The following CCDC14 variants were observed in gnomAD, a reference collection of about 807,000 sequenced individuals.
The protein encoded by CCDC14 is coiled-coil domain-containing protein 14.
In CCDC14, 71 loss-of-function variants were observed where a neutral mutation model predicts 81.4. The observed-to-expected ratio is 0.87, with a 90% CI of 0.72 to 1.06. CCDC14 has a LOEUF of 1.06. Ranked by LOEUF, CCDC14 falls within the 50% of genes least tolerant of loss-of-function variation. The probability of loss-of-function intolerance (pLI) is 0.00; values close to 1 mark genes in which losing one functional copy is unlikely to be tolerated. For missense variants in CCDC14, 1,046 were observed against 1,047.3 expected (o/e 1.00, Z 0.02); for synonymous variants, 332 against 364.8 (o/e 0.91, Z 1.03).
downstream of CCDC14, among the ~76,000 whole-genome samples, chr3:123,912,884 T>C (rs1374925258): frequency 6.6e-6 from 1 of 152,036 alleles, no homozygotes; most frequent in Non-Finnish European, 1.5e-5. Context: ...CCTCCCCACC[T>C]CTATTTCAGT....
chr3:123,945,088 C>T (rs901732379), intron 8 of CCDC14, 98 bp from the exon 9 acceptor site: 2 of 626,228 alleles, frequency 3.2e-6, no homozygotes, highest in South Asian at 5.3e-5. Context: ...TAGATATGTA[C>T]ATTCTTGTTA....
chr3:123,947,460 TA>T (rs1465802011), intron 7 of CCDC14, 141 bp from the exon 8 acceptor site: 1 of 619,834 alleles, frequency 1.6e-6, no homozygotes, highest in Non-Finnish European at 2.7e-6. Flanking sequence ...AATAAGTAGT[TA>T]CCACTATATT....
At chr3:123,944,809 C>G (rs774386321) in intron 9 of CCDC14, 40 bp downstream of exon 9, 1 of 1,570,864 alleles carries the variant, frequency 6.4e-7, no homozygotes, top group Admixed American at 1.7e-5. Flanking sequence ...CAGGAGACAT[C>G]TTTGCATACA....
intron 1 of CCDC14, among the ~76,000 whole-genome samples, chr3:123,959,524 G>A (rs2037547498): frequency 6.6e-6 from 1 of 151,980 alleles, no homozygotes; most frequent in Non-Finnish European, 1.5e-5. Flanking sequence ...TATGTATTTT[G>A]GATATTATTT....
rs1409123533 is a variant in CCDC14, at chr3:123,933,721, G to C, written c.1378C>G (p.Gln460Glu). The change falls in exon 10 of 13, where the codon CAA (glutamine) becomes GAA (glutamate). Residue 460 changes from glutamine (Q) to glutamate (E), a missense_variant. Transcript: ENST00000409697. ...CCAGATGGTTTTTGAGTTTTCTGTT[G>C]TTCTCTGAGTTGCTGGTTCAAAATT... ...LRILNQQLRE[Q>E]QKTQKPSGAV... 4 of 1,573,194 alleles carry C rather than the reference G, an allele frequency of 2.5e-6. No individual in the cohort carries two copies. The highest frequency in any genetic ancestry group is 1.2e-5 in the South Asian group (1 of 85,792).
At position 123,931,419 on chromosome 3, in the gene CCDC14, C is replaced by T; in HGVS notation, c.1534G>A (p.Glu512Lys). ...TTTTTGTTTTCATCTTTCTGATTTT[C>T]AATCACTTTTAACAGCTCTTCATTT... Reference protein sequence around the residue: ...SKNEELLKVIENQKDENKKFS... With the variant: ...SKNEELLKVIKNQKDENKKFS... Residue 512 changes from glutamate (E) to lysine (K), a missense_variant, in exon 11 of 13, where the codon GAA (glutamate) becomes AAA (lysine). Glu to Lys is a moderately conservative substitution (Grantham distance 56, BLOSUM62 1). Coordinates refer to ENST00000409697, the MANE Select transcript of CCDC14 (RefSeq NM_001366335.1). The T allele has an allele frequency of 1.9e-6, 3 of 1,554,740 alleles. No individual in the cohort carries two copies. The highest frequency in any genetic ancestry group is 2.6e-6 in the Non-Finnish European group (3 of 1,145,984).
At position 123,915,540 on chromosome 3, in the gene CCDC14, A is replaced by G. The variant is rs1214314582; in HGVS notation, c.1957T>C (p.Tyr653His). The part of the protein sequence containing the change: ...MSYLNKLETN[Y>H]SFTHSEPLST... ...AGTGGCTCTGAATGTGTAAAACTGT[A>G]ATTTGTTTCTAACTTATTTAGATAG... is the stretch of plus-strand genomic sequence containing the variant. Residue 653 changes from tyrosine (Y) to histidine (H), a missense_variant, in exon 13 of 13, where the codon TAC becomes CAC. Tyr to His is a moderately conservative substitution (Grantham distance 83, BLOSUM62 2). Transcript: ENST00000409697. 2.5e-6 allele frequency: 4 copies of G among 1,613,864 alleles called. No homozygotes were observed. The highest frequency in any genetic ancestry group is 1.7e-5 in the Admixed American group (1 of 60,008).
chr3:123,958,002 A>T (rs1487821388), intron 1 of CCDC14: 1 of 152,098 alleles, frequency 6.6e-6, no homozygotes, highest in African/African-American at 2.4e-5. Context: ...TATGTGCTCC[A>T]TCCTTCTAAG....
intron 5 of CCDC14, among the ~76,000 whole-genome samples, chr3:123,952,284 G>A (rs1270574487): frequency 6.6e-6 from 1 of 152,132 alleles, no homozygotes; most frequent in African/African-American, 2.4e-5. Flanking sequence ...CAAACATCCA[G>A]TGCAGGTAAG....
At chr3:123,954,484 AC>A (rs1157733187) in intron 5 of CCDC14, 2 of 152,266 alleles carry the variant, frequency 1.3e-5, no homozygotes, top group Non-Finnish European at 2.9e-5. Context: ...GAAATATAAT[AC>A]AAACCATATA....
Position 123,913,830 on chromosome 3 carries a change from C to T in CCDC14, c.*949G>A. On this transcript the variant is annotated 3_prime_UTR_variant, in exon 13 of 13. Transcript: ENST00000409697. Reference sequence around the variant, plus strand: ...TAGTGATAACACAACATTCAGCTTCCTAAGAGTTAAAACGTGCTGCTTACA... The same window carrying T: ...TAGTGATAACACAACATTCAGCTTCTTAAGAGTTAAAACGTGCTGCTTACA... 1 of 985,250 alleles carries T rather than the reference C, an allele frequency of 1.0e-6. No homozygotes were observed. The highest frequency in any genetic ancestry group is 4.7e-5 in the South Asian group (1 of 21,276). The allele number at this position is 985,250 out of a possible 1,614,324, so 61.0% of individuals were successfully genotyped here. A position where few individuals can be genotyped will look rare whatever the true frequency, so the allele number is the denominator to read the frequency against.
chr3:123,960,971 G>A (rs534606278), intron 1 of CCDC14, among the ~76,000 whole-genome samples, 173 bp downstream of exon 1: 24 of 152,342 alleles, frequency 1.6e-4, no homozygotes, highest in African/African-American at 4.8e-4. Context: ...TAGAGACCGA[G>A]CGGCCGTGTT....
At chr3:123,936,560 T>C (rs1222557929) in intron 9 of CCDC14, among the ~76,000 whole-genome samples, 1 of 152,138 alleles carries the variant, frequency 6.6e-6, no homozygotes, top group Non-Finnish European at 1.5e-5. Flanking sequence ...AACTGGAGGC[T>C]ATCATCCTTA....
At position 123,947,035 on chromosome 3, in the gene CCDC14, T is replaced by C. The variant is rs1416981864; in HGVS notation, c.969A>G (p.Thr323=). Reference sequence around the variant, plus strand: ...GTTGTGACTGAGTAGGGCTTCGGTGTGTCTGACTGTCCAGATGCGTTTCTT... The same window carrying C: ...GTTGTGACTGAGTAGGGCTTCGGTGCGTCTGACTGTCCAGATGCGTTTCTT... The part of the protein sequence containing the change: ...HGKETHLDSQ[T]HRSPTQSQPA... Residue 323 remains threonine, a synonymous_variant, in exon 8 of 13, where the codon ACA becomes ACG. Transcript: ENST00000409697. 3 of 1,613,902 alleles carry C rather than the reference T, an allele frequency of 1.9e-6. No individual in the cohort carries two copies. The highest frequency in any genetic ancestry group is 1.7e-5 in the Admixed American group (1 of 60,000).
chr3:123,929,350 G>A (rs941236956), intron 12 of CCDC14, among the ~76,000 whole-genome samples: 2 of 151,290 alleles, frequency 1.3e-5, no homozygotes, highest in Non-Finnish European at 2.9e-5. Flanking sequence ...TTACTCTGTC[G>A]CCCACGTTGG....
At chr3:123,911,031 T>A (rs2034432334), downstream of CCDC14, among the ~76,000 whole-genome samples, 1 of 152,172 alleles carries the variant, frequency 6.6e-6, no homozygotes, top group Non-Finnish European at 1.5e-5. Flanking sequence ...TAAAAATTTG[T>A]CAGGAGGAGC....
chr3:123,932,072 A>G (rs1046407887), intron 10 of CCDC14, among the ~76,000 whole-genome samples: 1 of 152,160 alleles, frequency 6.6e-6, no homozygotes, highest in African/African-American at 2.4e-5. Flanking sequence ...ATATGGCACC[A>G]TTTGTTGAGC....
downstream of CCDC14, among the ~76,000 whole-genome samples, chr3:123,911,082 G>T (rs566775632): frequency 5.3e-5 from 8 of 152,326 alleles, no homozygotes; most frequent in South Asian, 1.7e-3. Context: ...TACCCCTGGT[G>T]TGCTTGGAAT....
At chr3:123,912,411 C>T (rs959346285), downstream of CCDC14, among the ~76,000 whole-genome samples, 3 of 152,114 alleles carry the variant, frequency 2.0e-5, no homozygotes, top group Admixed American at 2.0e-4. Context: ...AAGACAACTT[C>T]GAACTTAACT....
Sources: gnomAD v4.1 joint callset for allele counts (sites outside exome capture counted in the v4.1 genomes callset) on GRCh38, gnomAD v4.1.1 for gene constraint, MANE v1.5 for transcripts, NCBI Gene and HGNC (gene_info 2026-07-23, HGNC 2026-07-21) for gene names.